The following CRACR2A variants were observed in gnomAD, a reference collection of about 807,000 sequenced individuals.
CRACR2A encodes the protein calcium release activated channel regulator 2A.
A neutral mutation model predicts 90.5 loss-of-function variants in CRACR2A; 79 were observed. That is an observed-to-expected ratio of 0.87 (90% confidence interval 0.73 to 1.05). The LOEUF is 1.05. CRACR2A is among the 50% of genes least tolerant of loss of function. The pLI, the probability that CRACR2A is intolerant of heterozygous loss-of-function variation, is 0.00. For missense variants in CRACR2A, 823 were observed against 897.2 expected (o/e 0.92, Z 1.06); for synonymous variants, 338 against 356.7 (o/e 0.95, Z 0.59).
chr12:3,682,006 A>C (rs1945464006), intron 4 of CRACR2A, among the ~76,000 whole-genome samples: 1 of 152,242 alleles, frequency 6.6e-6, no homozygotes, highest in Non-Finnish European at 1.5e-5. Flanking sequence ...AGAATCTCTG[A>C]CTTATCAACA....
intron 8 of CRACR2A, 118 bp from the exon 9 acceptor site, chr12:3,656,524 G>A: frequency 1.2e-6 from 1 of 864,426 alleles, no homozygotes; most frequent in Non-Finnish European, 1.9e-6. Context: ...AGACCATGGG[G>A]CTTTTCCCAC....
chr12:3,685,522 G>A (rs1317743044), intron 4 of CRACR2A, among the ~76,000 whole-genome samples: 1 of 152,042 alleles, frequency 6.6e-6, no homozygotes, highest in Admixed American at 6.6e-5. Context: ...AACAAAATGT[G>A]GTATATACAT....
At chr12:3,636,976 C>T (rs925939543) in intron 14 of CRACR2A, among the ~76,000 whole-genome samples, 2 of 152,234 alleles carry the variant, frequency 1.3e-5, no homozygotes, top group Admixed American at 6.5e-5. Context: ...TGCCGTGGAT[C>T]GTTCTAAACT....
At chr12:3,623,991 G>A (rs2137289901) in intron 17 of CRACR2A, among the ~76,000 whole-genome samples, 1 of 152,318 alleles carries the variant, frequency 6.6e-6, no homozygotes, top group South Asian at 2.1e-4. Flanking sequence ...TAGGGGCCAG[G>A]AGGGAGCATT....
intron 7 of CRACR2A, among the ~76,000 whole-genome samples, chr12:3,666,364 T>TGTGTGTGTGTGTGTGTGTGTGTGTGC (rs765943563): frequency 6.7e-6 from 1 of 149,498 alleles, no homozygotes; most frequent in Non-Finnish European, 1.5e-5. Flanking sequence ...TGCGTGCGTG[T>TGTGTGTGTGTGTGTGTGTGTGTGTGC]GCGCGTGCGC....
intron 10 of CRACR2A, among the ~76,000 whole-genome samples, chr12:3,651,339 C>T (rs1261530319): frequency 6.6e-6 from 1 of 152,270 alleles, no homozygotes; most frequent in Non-Finnish European, 1.5e-5. Context: ...ACAGAGCATA[C>T]TCTCAAAGGA....
rs1470430416 is a variant in CRACR2A at position 3,634,961 on chromosome 12, G to A, written c.1603-1225C>T. Among the ~76,000 whole-genome samples, 8 of 152,262 alleles carry A rather than the reference G, an allele frequency of 5.3e-5. No individual in the cohort carries two copies. In the South Asian group the frequency reaches 1.0e-3, roughly 20 times the overall value. On this transcript the variant is annotated intron_variant, in intron 14 of 19. Transcript: ENST00000440314. ...GGGCACCAACTCTCTGCTGGTCCCT[G>A]TACTTTTAATTGTTATTTATTTGAG...
At chr12:3,737,336 G>T (rs1946462723) in intron 1 of CRACR2A, among the ~76,000 whole-genome samples, 1 of 152,184 alleles carries the variant, frequency 6.6e-6, no homozygotes, top group African/African-American at 2.4e-5. Flanking sequence ...ATCCTAATGT[G>T]GAAGAGAGTG....
Position 3,638,334 on chromosome 12 carries a change from G to C in CRACR2A, c.1392C>G (p.Tyr464Ter). The change falls in exon 14 of 20, where the codon TAC becomes TAG. Residue 464 changes from tyrosine (Y) to a stop codon, truncating the protein, a stop_gained. Coordinates refer to ENST00000440314, the MANE Select transcript of CRACR2A (RefSeq NM_001144958.2). LOFTEE classifies it high-confidence loss of function. Reference protein sequence around the residue: ...GTGEPGPGGPYPRPLRRIISV... With the variant: ...GTGEPGPGGP Reference sequence around the variant, plus strand: ...AGATGATTCTGCGGAGCGGCCGGGGGTACGGACCCCCAGGCCCTGGCTCCC... The same window carrying C: ...AGATGATTCTGCGGAGCGGCCGGGGCTACGGACCCCCAGGCCCTGGCTCCC... The C allele has an allele frequency of 1.3e-6, 2 of 1,551,254 alleles. No individual in the cohort carries two copies. The highest frequency in any genetic ancestry group is 4.9e-5 in the East Asian group (2 of 40,906).
intron 1 of CRACR2A, among the ~76,000 whole-genome samples, chr12:3,734,647 G>GTA (rs879400171): frequency 0.19 from 29,170 of 151,414 alleles, 3,255 homozygotes; most frequent in Admixed American, 0.28. Flanking sequence ...GTGTGTGTGT[G>GTA]TGTGTGCATA....
intron 4 of CRACR2A, among the ~76,000 whole-genome samples, chr12:3,693,182 C>A (rs1591692057): frequency 2.0e-5 from 3 of 152,300 alleles, no homozygotes; most frequent in Admixed American, 1.3e-4. Context: ...CTGGGGGAAG[C>A]TGCAACGTGA....
chr12:3,622,508 T>G (rs1354027703), intron 17 of CRACR2A, among the ~76,000 whole-genome samples: 3 of 152,220 alleles, frequency 2.0e-5, no homozygotes, highest in Non-Finnish European at 4.4e-5. Flanking sequence ...ACAGACTTGT[T>G]GAAATTCAAA....
intron 2 of CRACR2A, among the ~76,000 whole-genome samples, chr12:3,717,926 A>T (rs1046203595): frequency 2.5e-4 from 38 of 152,162 alleles, no homozygotes; most frequent in African/African-American, 9.2e-4. Context: ...TCCTGTGCTC[A>T]GTTCCCATGT....
At chr12:3,744,119 C>T (rs1031753979) in intron 1 of CRACR2A, among the ~76,000 whole-genome samples, 1 of 152,156 alleles carries the variant, frequency 6.6e-6, no homozygotes, top group East Asian at 1.9e-4. Flanking sequence ...GGTGACCAAA[C>T]CCCTGCTAGC....
rs1452950194 is a variant in CRACR2A at position 3,654,197 on chromosome 12, A to G, written c.1046+15T>C. The G allele has an allele frequency of 1.2e-6, 2 of 1,608,286 alleles. No individual in the cohort carries two copies. The highest frequency in any genetic ancestry group is 2.2e-5 in the South Asian group (2 of 90,666). ...GCGGGAAGACAGCAGAGGAGTGGAC[A>G]AAGGCTGGACTCACATCTCCTTCTC... On this transcript the variant is annotated intron_variant, in intron 10 of 19. Transcript: ENST00000440314.
chr12:3,682,046 A>G (rs1340632651), intron 4 of CRACR2A, among the ~76,000 whole-genome samples: 4 of 152,264 alleles, frequency 2.6e-5, no homozygotes, highest in African/African-American at 9.6e-5. Context: ...CAAAAGCTAC[A>G]GTAGGAGAAC....
intron 7 of CRACR2A, among the ~76,000 whole-genome samples, chr12:3,671,649 T>C (rs1591674817): frequency 6.6e-6 from 1 of 152,356 alleles, no homozygotes; most frequent in East Asian, 1.9e-4. Flanking sequence ...TCTACACTGT[T>C]GTCTGGAAGG....
At chr12:3,660,829 AACACACACACAC>A (rs58293233) in intron 7 of CRACR2A, among the ~76,000 whole-genome samples, 9,167 of 119,614 alleles carry the variant, frequency 0.077, 479 homozygotes, top group African/African-American at 0.13. Context: ...CTGAACATGC[AACACACACACAC>A]ACACACACAC....
Position 3,679,098 on chromosome 12 carries a change from C to T in CRACR2A, c.341G>A (p.Ser114Asn). The T allele has an allele frequency of 6.2e-7, 1 of 1,611,044 alleles. No homozygotes were observed. Among genetic ancestry groups the T allele is most frequent in the Admixed American group, 1.7e-5 (1 of 59,478 alleles). Residue 114 changes from serine (S) to asparagine (N), a missense_variant and splice_region_variant, in exon 6 of 20, where the codon AGT (serine) becomes AAT (asparagine). Physicochemically the swap from Ser to Asn is conservative, Grantham distance 46 (BLOSUM62 1). Coordinates refer to ENST00000440314, the MANE Select transcript of CRACR2A (RefSeq NM_001144958.2). ...GTTATTCTGGCTGAAGAAGAAGTGA[C>T]CTGGGGGGTGCAGGGCACAAGGATC... Reference protein sequence around the residue: ...LTPQEFTTGFSHFFFSQNNPS... With the variant: ...LTPQEFTTGFNHFFFSQNNPS...
Sources: gnomAD v4.1 joint callset for allele counts (sites outside exome capture counted in the v4.1 genomes callset) on GRCh38, gnomAD v4.1.1 for gene constraint, MANE v1.5 for transcripts, NCBI Gene and HGNC (gene_info 2026-07-23, HGNC 2026-07-21) for gene names.